The following ST6GALNAC5 variants were observed in gnomAD, a reference collection of about 807,000 sequenced individuals.
ST6GALNAC5 encodes ST6 N-acetylgalactosaminide alpha-2,6-sialyltransferase 5.
ST6GALNAC5 carries 27 observed loss-of-function variants against 33.6 expected under a neutral mutation model. The ratio of observed to expected loss-of-function variants is 0.80; its 90% CI spans 0.59 to 1.11. ST6GALNAC5 has a LOEUF of 1.11. Among genes scored for constraint, ST6GALNAC5 ranks in the 50% least tolerant of loss-of-function variants. ST6GALNAC5 has a pLI of 0.00. For missense variants in ST6GALNAC5, 428 were observed against 454.0 expected (o/e 0.94, Z 0.52); for synonymous variants, 194 against 171.2 (o/e 1.13, Z -1.04).
rs1395109757 is a variant in ST6GALNAC5 at position 77,036,762 on chromosome 1, G to T, written c.262-7442G>T. On this transcript the variant is annotated intron_variant, in intron 2 of 4. Transcript: ENST00000477717. ...TTGTTGAACACCTTCTATGTGCTGG[G>T]CACTGTCCTTGGTGCTGAAGATACT... Among the ~76,000 whole-genome samples, 4 of 152,240 alleles carry T rather than the reference G, an allele frequency of 2.6e-5. No individual in the cohort carries two copies. In the South Asian group the frequency reaches 6.2e-4, roughly 24 times the overall value.
intron 2 of ST6GALNAC5, among the ~76,000 whole-genome samples, chr1:76,926,068 G>T (rs1647082606): frequency 6.6e-6 from 1 of 152,138 alleles, no homozygotes; most frequent in South Asian, 2.1e-4. Context: ...CTGAGCAAAT[G>T]GATCTGCCTC....
chr1:76,977,881 T>C (rs921524630), intron 2 of ST6GALNAC5, among the ~76,000 whole-genome samples: 2 of 152,216 alleles, frequency 1.3e-5, no homozygotes, highest in Non-Finnish European at 2.9e-5. Flanking sequence ...CTATTTTTAA[T>C]TGTTTGAGAA....
intron 2 of ST6GALNAC5, among the ~76,000 whole-genome samples, chr1:77,008,084 G>GA (rs1159729035): frequency 6.6e-6 from 1 of 152,130 alleles, no homozygotes; most frequent in African/African-American, 2.4e-5. Context: ...TAGTTTGTTG[G>GA]AAAATTTGAC....
At chr1:76,967,023 A>C (rs1648523841) in intron 2 of ST6GALNAC5, among the ~76,000 whole-genome samples, 1 of 152,156 alleles carries the variant, frequency 6.6e-6, no homozygotes, top group South Asian at 2.1e-4. Context: ...GGATTTTTGC[A>C]TCAATGTTCA....
intron 2 of ST6GALNAC5, among the ~76,000 whole-genome samples, chr1:76,958,074 G>T (rs75830062): frequency 1.3e-5 from 2 of 152,034 alleles, no homozygotes; most frequent in Admixed American, 6.6e-5. Context: ...AGAGTTCCCC[G>T]CAGGAGACGC....
chr1:76,888,623 A>T (rs1252485), intron 2 of ST6GALNAC5, among the ~76,000 whole-genome samples: 74,599 of 151,508 alleles, frequency 0.49, 18,945 homozygotes, highest in African/African-American at 0.6. Context: ...GCTTTTTTTT[A>T]AAACTCTCCT....
intron 2 of ST6GALNAC5, among the ~76,000 whole-genome samples, chr1:76,916,730 A>G (rs533585527): frequency 8.4e-4 from 128 of 152,244 alleles, no homozygotes; most frequent in Middle Eastern, 3.4e-3. Context: ...TTACCAATAT[A>G]GAATATGAGA....
chr1:76,891,099 C>A (rs1654003147), intron 2 of ST6GALNAC5, among the ~76,000 whole-genome samples: 2 of 152,092 alleles, frequency 1.3e-5, no homozygotes, highest in Admixed American at 6.5e-5. Flanking sequence ...TGGGTATATA[C>A]CTAGGAGTAG....
rs1652690958 is a variant in ST6GALNAC5, at chr1:77,063,983, T to C, written c.*777T>C. 3 of 152,622 alleles carry C rather than the reference T, an allele frequency of 2.0e-5. No individual in the cohort carries two copies. The highest frequency in any genetic ancestry group is 2.1e-4 in the South Asian group (1 of 4,832). The allele number at this position is 152,622 out of a possible 1,614,324, so 9.5% of individuals were successfully genotyped here. A position where few individuals can be genotyped will look rare whatever the true frequency, so the allele number is the denominator to read the frequency against. On this transcript the variant is annotated 3_prime_UTR_variant, in exon 5 of 5. Coordinates refer to ENST00000477717, the MANE Select transcript of ST6GALNAC5 (RefSeq NM_030965.3). ...AAAGAATAGCGATGACATTTTCTAA[T>C]GTGCAGAAATGTTCCAAAAGGACAA...
At position 76,996,557 on chromosome 1, in the gene ST6GALNAC5, C is replaced by A. The variant is rs116699883; in HGVS notation, c.262-47647C>A. On this transcript the variant is annotated intron_variant, in intron 2 of 4. Coordinates refer to ENST00000477717, the MANE Select transcript of ST6GALNAC5 (RefSeq NM_030965.3). Reference sequence around the variant, plus strand: ...TAAATGGAAGGAAAAGCAAGGCTTGCTGGTTTGCACAAACGTTAACAACTA... The same window carrying A: ...TAAATGGAAGGAAAAGCAAGGCTTGATGGTTTGCACAAACGTTAACAACTA... 6.5e-3 allele frequency among the ~76,000 whole-genome samples: 996 copies of A among 152,268 alleles called. 11 individuals carry two copies. Among genetic ancestry groups the A allele is most frequent in the African/African-American group, 0.023 (955 of 41,540 alleles).
intron 4 of ST6GALNAC5, among the ~76,000 whole-genome samples, chr1:77,056,402 G>C (rs1652400393): frequency 6.6e-6 from 1 of 152,150 alleles, no homozygotes; most frequent in African/African-American, 2.4e-5. Context: ...GTCATACTTA[G>C]CACATTACCA....
At chr1:76,989,530 T>C (rs891119157) in intron 2 of ST6GALNAC5, among the ~76,000 whole-genome samples, 3 of 152,098 alleles carry the variant, frequency 2.0e-5, no homozygotes, top group African/African-American at 7.2e-5. Context: ...ATTTTTTGCC[T>C]TTTTTCCCTT....
chr1:76,969,200 C>A (rs55731983), intron 2 of ST6GALNAC5, among the ~76,000 whole-genome samples: 1 of 152,118 alleles, frequency 6.6e-6, no homozygotes, highest in African/African-American at 2.4e-5. Flanking sequence ...GAGGGCAAGC[C>A]GAAGCAGGGT....
At position 76,974,773 on chromosome 1, in the gene ST6GALNAC5, C is replaced by CTTTTTTTTTTTTTTTTTTTTTTTTTTTTT. The variant is rs60357939; in HGVS notation, c.262-69405_262-69404insTTTTTTTTTTTTTTTTTTTTTTTTTTTTT. On this transcript the variant is annotated intron_variant, in intron 2 of 4. Transcript: ENST00000477717. ...ATATCTGTAAGTTTTTTCTTTCTTT[C>CTTTTTTTTTTTTTTTTTTTTTTTTTTTTT]TTTTTTTTTTTTTTTTTTTTTTTTT... 2.8e-4 allele frequency among the ~76,000 whole-genome samples: 10 copies of CTTTTTTTTTTTTTTTTTTTTTTTTTTTTT among 35,244 alleles called. 2 individuals are homozygous for CTTTTTTTTTTTTTTTTTTTTTTTTTTTTT. The highest frequency in any genetic ancestry group is 9.3e-4 in the Admixed American group (2 of 2,154). 23.1% of individuals were successfully genotyped at this position (35,244 alleles called of 152,430 possible). A position where few individuals can be genotyped will look rare whatever the true frequency, so the allele number is the denominator to read the frequency against.
At chr1:77,009,971 A>G (rs1650572003) in intron 2 of ST6GALNAC5, among the ~76,000 whole-genome samples, 2 of 152,168 alleles carry the variant, frequency 1.3e-5, no homozygotes, top group South Asian at 2.1e-4. Flanking sequence ...ACCACATTAA[A>G]ATGTTTCTCT....
At chr1:76,980,608 C>A (rs893744879) in intron 2 of ST6GALNAC5, among the ~76,000 whole-genome samples, 6 of 152,120 alleles carry the variant, frequency 3.9e-5, no homozygotes, top group Non-Finnish European at 7.3e-5. Context: ...ATTAAAGCCT[C>A]TTTAAATGGG....
intron 2 of ST6GALNAC5, among the ~76,000 whole-genome samples, chr1:76,949,638 A>C (rs1647666950): frequency 6.6e-6 from 1 of 152,034 alleles, no homozygotes; most frequent in South Asian, 2.1e-4. Flanking sequence ...TCTGTAATTG[A>C]GGTCATCAGT....
At chr1:76,962,785 T>C (rs1414562028) in intron 2 of ST6GALNAC5, among the ~76,000 whole-genome samples, 2 of 152,216 alleles carry the variant, frequency 1.3e-5, no homozygotes, top group East Asian at 3.8e-4. Flanking sequence ...TCATTTTGCA[T>C]TTTAATCAGA....
At chr1:77,032,821 G>A (rs1459012717) in intron 2 of ST6GALNAC5, among the ~76,000 whole-genome samples, 1 of 151,972 alleles carries the variant, frequency 6.6e-6, no homozygotes, top group Non-Finnish European at 1.5e-5. Context: ...CTATATATAC[G>A]ACTCCAAGTT....
Sources: allele counts gnomAD v4.1 joint callset (sites outside exome capture counted in the v4.1 genomes callset), GRCh38; gene constraint gnomAD v4.1.1; transcripts MANE v1.5; gene names NCBI Gene and HGNC (gene_info 2026-07-23, HGNC 2026-07-21).